Variants in TAF4 observed in about 807,000 individuals in gnomAD.
The protein encoded by TAF4 is transcription initiation factor TFIID subunit 4.
TAF4 carries 9 observed loss-of-function variants against 90.3 expected under a neutral mutation model. The ratio of observed to expected loss-of-function variants is 0.10; its 90% CI spans 0.06 to 0.17. The LOEUF is 0.17. Among genes scored for constraint, TAF4 ranks in the 10% least tolerant of loss-of-function variants. The pLI, the probability that TAF4 is intolerant of heterozygous loss-of-function variation, is 1.00. For synonymous variants in TAF4, 818 were observed against 638.9 expected, an observed-to-expected ratio of 1.28 and a Z score of -4.23; for missense variants, 1,351 against 1,370.7, an observed-to-expected ratio of 0.99 and a Z score of 0.23.
In TAF4 at chr20:62,006,971, T is replaced by C. The variant is rs1034569937; in HGVS notation, c.1975-213A>G. The C allele has an allele frequency of 5.7e-6, 3 of 524,630 alleles. No individual in the cohort carries two copies. The highest frequency in any genetic ancestry group is 3.9e-5 in the African/African-American group (2 of 50,748). 32.5% of individuals were successfully genotyped at this position (524,630 alleles called of 1,614,324 possible). ...TATTCCTGATAGCAAATGTCCAAAA[T>C]GTGTTCAAGAAAACAAACAAAAAGA... On this transcript the variant is annotated intron_variant, in intron 6 of 14. Transcript: ENST00000252996. This position sits in a 1 kb window ranked among gnomAD's most constrained non-coding sequence, Gnocchi z 7.0.
Position 62,000,663 on chromosome 20 carries a change from T to A in TAF4, c.2545A>T (p.Ser849Cys). The A allele has an allele frequency of 6.2e-7, 1 of 1,614,278 alleles. No homozygotes were observed. Among genetic ancestry groups the A allele is most frequent in the Non-Finnish European group, 8.5e-7 (1 of 1,180,050 alleles). The change falls in exon 10 of 15, where the codon AGT becomes TGT. Residue 849 changes from serine (S) to cysteine (C), a missense_variant. By Grantham distance (112) the Ser-to-Cys change is moderately radical (BLOSUM62 -1). This residue lies in a region of TAF4 where 95 missense variants were observed against 151.3 expected (regional missense o/e 0.63). Transcript: ENST00000252996. ...GAGTTCGTGGCTAATATTCTTGCAC[T>A]TTCTTCTGACAAGTTTACTCCAGCC... is the stretch of plus-strand genomic sequence containing the variant. Reference protein sequence around the residue: ...SMAGVNLSEESARILATNSEL... With the variant: ...SMAGVNLSEECARILATNSEL...
intron 9 of TAF4, among the ~76,000 whole-genome samples, chr20:62,001,258 G>A (rs1358873353): frequency 6.6e-6 from 1 of 152,118 alleles, no homozygotes; most frequent in Non-Finnish European, 1.5e-5. Flanking sequence ...CCCTCCCCAG[G>A]CCCTCCCCCG....
At chr20:62,063,595 G>A (rs890320936) in intron 1 of TAF4, among the ~76,000 whole-genome samples, 3 of 152,138 alleles carry the variant, frequency 2.0e-5, no homozygotes, top group African/African-American at 7.2e-5. Flanking sequence ...CGGAGCCCCA[G>A]GCATCCGCAG....
In TAF4 at chr20:62,036,023, C is replaced by CT. The variant is rs574223714; in HGVS notation, c.1361-21317dup. Among the ~76,000 whole-genome samples, 683 of 134,148 alleles carry CT rather than the reference C, an allele frequency of 5.1e-3. 5 individuals carry two copies. Among genetic ancestry groups the CT allele is most frequent in the African/African-American group, 8.6e-3 (289 of 33,744 alleles). The allele number at this position is 134,148 out of a possible 152,430, so 88.0% of individuals were successfully genotyped here. A position where few individuals can be genotyped will look rare whatever the true frequency, so the allele number is the denominator to read the frequency against. On this transcript the variant is annotated intron_variant, in intron 1 of 14. Coordinates refer to ENST00000252996, the MANE Select transcript of TAF4 (RefSeq NM_003185.4). ...GAATTAAAGGAAATTAATCAAATTT[C>CT]TTTTTTTTTTTAAAAAAAAAAAAGA...
intron 1 of TAF4, among the ~76,000 whole-genome samples, chr20:62,025,127 A>G (rs1430031134): frequency 6.6e-6 from 1 of 152,202 alleles, no homozygotes; most frequent in African/African-American, 2.4e-5. Flanking sequence ...AGTTTTGTAG[A>G]AAGTTAAACA....
Position 61,976,887 on chromosome 20 carries a change from G to A in TAF4, c.3091-552C>T, listed in dbSNP as rs572440660. Among the ~76,000 whole-genome samples the A allele has an allele frequency of 5.9e-5, 9 of 152,296 alleles. No homozygotes were observed. The South Asian group carries it at 8.3e-4, about 14-fold the overall frequency. On this transcript the variant is annotated intron_variant, in intron 14 of 14. Coordinates refer to ENST00000252996, the MANE Select transcript of TAF4 (RefSeq NM_003185.4). ...GCTGGGCCCTGGCTGCACAGACGCC[G>A]CCTCCGTCAGCCCCTACAGGTGACC...
chr20:62,046,683 C>T (rs1256083793), intron 1 of TAF4, among the ~76,000 whole-genome samples: 1 of 152,208 alleles, frequency 6.6e-6, no homozygotes, highest in Non-Finnish European at 1.5e-5. Context: ...TTACGCTTCT[C>T]CTAACTGTCA....
intron 1 of TAF4, among the ~76,000 whole-genome samples, chr20:62,033,972 G>A (rs1568937977): frequency 6.6e-6 from 1 of 151,654 alleles, no homozygotes; most frequent in African/African-American, 2.4e-5. Flanking sequence ...AACCCGTGAG[G>A]CAGAGCTTGC....
At chr20:62,000,407 AC>A (rs2123124598) in intron 10 of TAF4, 144 bp downstream of exon 10, 1 of 1,388,898 alleles carries the variant, frequency 7.2e-7, no homozygotes, top group East Asian at 2.3e-5. Flanking sequence ...CCCATATTTT[AC>A]CCAAGAACCA....
Position 62,003,206 on chromosome 20 carries a change from C to T in TAF4, c.2440G>A (p.Ala814Thr), listed in dbSNP as rs770648696. The change falls in exon 9 of 15, where the codon GCT becomes ACT. Residue 814 changes from alanine to threonine, a missense_variant. Physicochemically the swap from Ala to Thr is moderately conservative, Grantham distance 58 (BLOSUM62 0). Coordinates refer to ENST00000252996, the MANE Select transcript of TAF4 (RefSeq NM_003185.4). ...TCCTTGAGTTTATTTTTCTGTGCAG[C>T]AGCTGCTTGTGCCGAGACAGCAGAA... ...ALSAVSAQAA[A>T]AQKNKLKEPG... is the part of the protein sequence containing the mutation. 1 of 1,614,186 alleles carries T rather than the reference C, an allele frequency of 6.2e-7. No individual in the cohort carries two copies. Among genetic ancestry groups the T allele is most frequent in the African/African-American group, 1.3e-5 (1 of 75,036 alleles).
At chr20:62,026,161 C>T (rs552524537) in intron 1 of TAF4, among the ~76,000 whole-genome samples, 3 of 152,300 alleles carry the variant, frequency 2.0e-5, no homozygotes, top group Admixed American at 2.0e-4. Context: ...TAGCACACGA[C>T]CTTCCCCCAC....
At chr20:62,042,852 A>T (rs2146853) in intron 1 of TAF4, among the ~76,000 whole-genome samples, 105,373 of 151,982 alleles carry the variant, frequency 0.69, 36,715 homozygotes, top group Middle Eastern at 0.78. Context: ...GAAGGTACTG[A>T]TATCATAGGG....
chr20:61,981,888 C>T lies in TAF4; in HGVS notation c.3091-5553G>A, dbSNP rs1391170702. Among the ~76,000 whole-genome samples, 17 of 136,140 alleles carry T rather than the reference C, an allele frequency of 1.2e-4. No individual in the cohort carries two copies. The South Asian group carries it at 1.3e-3, about 10-fold the overall frequency. 89.3% of individuals were successfully genotyped at this position (136,140 alleles called of 152,430 possible). On this transcript the variant is annotated intron_variant, in intron 14 of 14. Coordinates refer to ENST00000252996, the MANE Select transcript of TAF4 (RefSeq NM_003185.4). The stretch of plus-strand genomic sequence containing the variant: ...GGAGACACCAAACTCACACCCCACC[C>T]GAGAGGAGACATCAAACCCACACCC...
At chr20:62,055,352 C>T (rs576766393) in intron 1 of TAF4, among the ~76,000 whole-genome samples, 11 of 150,940 alleles carry the variant, frequency 7.3e-5, no homozygotes, top group East Asian at 1.9e-4. Context: ...GCAATACGAT[C>T]GATTCACACT....
chr20:62,050,052 A>C (rs2056017665), intron 1 of TAF4, among the ~76,000 whole-genome samples: 1 of 152,096 alleles, frequency 6.6e-6, no homozygotes, highest in South Asian at 2.1e-4. Context: ...CTACTGTCAC[A>C]CGCTGGAGTT....
intron 1 of TAF4, among the ~76,000 whole-genome samples, chr20:62,032,512 G>A (rs2145494443): frequency 6.6e-6 from 1 of 152,358 alleles, no homozygotes; most frequent in East Asian, 1.9e-4. Context: ...GTCTGCAGAG[G>A]ATGGGCTTCC....
intron 14 of TAF4, among the ~76,000 whole-genome samples, chr20:61,977,934 C>T (rs529243653): frequency 2.3e-4 from 35 of 152,280 alleles, no homozygotes; most frequent in African/African-American, 7.5e-4. Flanking sequence ...AAAAGAGGAC[C>T]GGGGTGAAGG....
intron 1 of TAF4, among the ~76,000 whole-genome samples, chr20:62,057,254 GCC>G (rs2056069905): frequency 6.6e-6 from 1 of 152,200 alleles, no homozygotes. Context: ...GTGTGCTTGG[GCC>G]ACACCCAGCG....
At position 61,975,930 on chromosome 20, in the gene TAF4, AG is replaced by A; in HGVS notation, c.*237del. 2.0e-6 allele frequency: 1 copy of A among 512,130 alleles called. No individual in the cohort carries two copies. The highest frequency in any genetic ancestry group is 3.3e-5 in the Admixed American group (1 of 30,532). 31.7% of individuals were successfully genotyped at this position (512,130 alleles called of 1,614,324 possible). A position where few individuals can be genotyped will look rare whatever the true frequency, so the allele number is the denominator to read the frequency against. On this transcript the variant is annotated 3_prime_UTR_variant, in exon 15 of 15. Coordinates refer to ENST00000252996, the MANE Select transcript of TAF4 (RefSeq NM_003185.4). ...TTTATATATGGCTTGTTTGGCAGGA[AG>A]GCCACTCAATCAAGATGAGTTAAGA... is the stretch of plus-strand genomic sequence containing the variant.
Sources: allele counts gnomAD v4.1 joint callset (sites outside exome capture counted in the v4.1 genomes callset), GRCh38; gene constraint gnomAD v4.1.1; regional missense constraint gnomAD v4.1.1; non-coding constraint Gnocchi (gnomAD v3.1); transcripts MANE v1.5; gene names NCBI Gene and HGNC (gene_info 2026-07-23, HGNC 2026-07-21).